The following WDFY4 variants were observed in gnomAD, a reference collection of about 807,000 sequenced individuals.
WDFY4 encodes the protein WDFY family member 4.
A neutral mutation model predicts 351.9 loss-of-function variants in WDFY4; 169 were observed. The observed-to-expected ratio is 0.48, with a 90% confidence interval of 0.42 to 0.55. The LOEUF is 0.55. Ranked by LOEUF, WDFY4 falls within the 20% of genes least tolerant of loss-of-function variation. WDFY4 has a pLI of 0.00. For missense variants in WDFY4, 3,803 were observed against 3,935.6 expected (o/e 0.97, Z 0.90); for synonymous variants, 1,622 against 1,574.6 (o/e 1.03, Z -0.71).
intron 19 of WDFY4, among the ~76,000 whole-genome samples, chr10:48,781,621 T>C (rs1318955312): frequency 5.9e-5 from 9 of 152,174 alleles, no homozygotes; most frequent in Non-Finnish European, 1.3e-4. Flanking sequence ...GACAGGGGCA[T>C]TGAAAGAACA....
At chr10:48,695,419 A>G (rs2063306007) in intron 1 of WDFY4, among the ~76,000 whole-genome samples, 1 of 152,162 alleles carries the variant, frequency 6.6e-6, no homozygotes. Flanking sequence ...CACTGCCTGA[A>G]GCCAACCTTG....
intron 10 of WDFY4, among the ~76,000 whole-genome samples, chr10:48,735,303 G>C (rs116269950): frequency 7.2e-5 from 11 of 152,092 alleles, no homozygotes; most frequent in Non-Finnish European, 1.5e-4. Context: ...CACCTGTCAG[G>C]TTTCTTTAAT....
intron 12 of WDFY4, among the ~76,000 whole-genome samples, chr10:48,756,431 T>C (rs568356625): frequency 1.3e-5 from 2 of 152,166 alleles, no homozygotes; most frequent in African/African-American, 4.8e-5. Flanking sequence ...CTTGGGATTT[T>C]CTATGAAGAC....
chr10:48,791,708 C>T (rs1334310811), intron 23 of WDFY4, among the ~76,000 whole-genome samples: 2 of 152,202 alleles, frequency 1.3e-5, no homozygotes, highest in Non-Finnish European at 2.9e-5. Flanking sequence ...GGGCCAGGGT[C>T]GGAGTCTGGG....
At chr10:48,700,131 C>T (rs1474996232) in intron 1 of WDFY4, among the ~76,000 whole-genome samples, 2 of 152,208 alleles carry the variant, frequency 1.3e-5, no homozygotes, top group Non-Finnish European at 2.9e-5. Flanking sequence ...CACCTCCCAG[C>T]ACCACCCCAA....
intron 12 of WDFY4, among the ~76,000 whole-genome samples, chr10:48,744,854 G>A (rs947810113): frequency 6.6e-6 from 1 of 152,132 alleles, no homozygotes; most frequent in African/African-American, 2.4e-5. Context: ...GCTCACGATG[G>A]CTCCCTCACG....
At chr10:48,691,538 G>A (rs1224585703) in intron 1 of WDFY4, among the ~76,000 whole-genome samples, 1 of 152,212 alleles carries the variant, frequency 6.6e-6, no homozygotes, top group African/African-American at 2.4e-5. Flanking sequence ...TGGAGTTGGG[G>A]GGCTGTCTGC....
chr10:48,733,420 T>TA (rs2064537404), intron 9 of WDFY4, among the ~76,000 whole-genome samples: 1 of 152,216 alleles, frequency 6.6e-6, no homozygotes, highest in Non-Finnish European at 1.5e-5. Context: ...CTCATGGGTC[T>TA]ACTGGGATCA....
intron 10 of WDFY4, among the ~76,000 whole-genome samples, chr10:48,734,928 G>A (rs1273117890): frequency 6.8e-6 from 1 of 146,344 alleles, no homozygotes; most frequent in Non-Finnish European, 1.5e-5. Flanking sequence ...GGCGCACGCC[G>A]CCATGCACGG....
intron 1 of WDFY4, among the ~76,000 whole-genome samples, chr10:48,693,450 T>C (rs1260438263): frequency 6.6e-6 from 1 of 152,222 alleles, no homozygotes; most frequent in East Asian, 1.9e-4. Context: ...CTTTCTGTTC[T>C]ATTCAGATGC....
intron 57 of WDFY4, among the ~76,000 whole-genome samples, chr10:48,973,038 C>T (rs556490414): frequency 2.9e-4 from 44 of 152,234 alleles, no homozygotes. Flanking sequence ...CCAGGCTGGT[C>T]GGAAGGCAGC....
chr10:48,787,947 T>C (rs373974943), intron 20 of WDFY4, among the ~76,000 whole-genome samples: 1,396 of 85,532 alleles, frequency 0.016, 31 homozygotes, highest in South Asian at 0.042. Context: ...TTCTTCTTCT[T>C]CTTCTTCTTC....
chr10:48,734,477 A>G (rs763355707), intron 10 of WDFY4, among the ~76,000 whole-genome samples: 19 of 151,720 alleles, frequency 1.3e-4, no homozygotes, highest in Admixed American at 2.6e-4. Flanking sequence ...ATTTTCTTTT[A>G]GCGTCCTAAG....
chr10:48,852,810 C>T (rs2069002546), intron 39 of WDFY4, among the ~76,000 whole-genome samples: 1 of 152,200 alleles, frequency 6.6e-6, no homozygotes, highest in African/African-American at 2.4e-5. Context: ...TTTTCTTCCC[C>T]TGTAGAACCT....
At chr10:48,977,597 G>T (rs926568895) in intron 59 of WDFY4, among the ~76,000 whole-genome samples, 29 of 152,356 alleles carry the variant, frequency 1.9e-4, no homozygotes, top group African/African-American at 7.0e-4. Context: ...GGCTTGGTGG[G>T]GTGTGGCCCA....
At chr10:48,851,556 C>G (rs897579350) in intron 39 of WDFY4, among the ~76,000 whole-genome samples, 2 of 152,192 alleles carry the variant, frequency 1.3e-5, no homozygotes, top group Non-Finnish European at 2.9e-5. Context: ...GGCCAGGACC[C>G]GTAACTGTCA....
chr10:48,884,557 C>T (rs1162413019), intron 43 of WDFY4, among the ~76,000 whole-genome samples: 1 of 152,040 alleles, frequency 6.6e-6, no homozygotes, highest in African/African-American at 2.4e-5. Flanking sequence ...CACATGCACA[C>T]ACACATGCAC....
At chr10:48,865,881 AT>A (rs1291972429) in intron 39 of WDFY4, among the ~76,000 whole-genome samples, 1 of 152,012 alleles carries the variant, frequency 6.6e-6, no homozygotes, top group Non-Finnish European at 1.5e-5. Context: ...TGTTTATAGT[AT>A]TTTTTTATAA....
chr10:48,884,939 A>T (rs1589811238), intron 43 of WDFY4, among the ~76,000 whole-genome samples: 3 of 152,182 alleles, frequency 2.0e-5, no homozygotes, highest in African/African-American at 7.2e-5. Flanking sequence ...TCTTAAAGGC[A>T]TGTCTTATTT....
Sources: allele counts gnomAD v4.1 joint callset (sites outside exome capture counted in the v4.1 genomes callset), GRCh38; gene constraint gnomAD v4.1.1; transcripts MANE v1.5; gene names NCBI Gene and HGNC (gene_info 2026-07-23, HGNC 2026-07-21).